RBMS3: variants seen among roughly 807,000 people sequenced by gnomAD.
RBMS3 encodes RNA binding motif single stranded interacting protein 3.
In RBMS3, 27 loss-of-function variants were observed where a neutral mutation model predicts 66.8. The observed-to-expected ratio is 0.40, with a 90% confidence interval of 0.30 to 0.56. The LOEUF (loss-of-function observed/expected upper bound fraction) is 0.56. Ranked by LOEUF, RBMS3 falls within the 20% of genes least tolerant of loss-of-function variation. RBMS3 has a pLI of 0.40. For missense variants in RBMS3, 513 were observed against 549.5 expected, an observed-to-expected ratio of 0.93 and a Z score of 0.66; for synonymous variants, 188 against 183.0, an observed-to-expected ratio of 1.03 and a Z score of -0.22.
intron 12 of RBMS3, among the ~76,000 whole-genome samples, chr3:29,970,317 A>G (rs1240435172): frequency 1.3e-5 from 2 of 152,230 alleles, no homozygotes; most frequent in Admixed American, 6.5e-5. Context: ...GAAAATTAGG[A>G]GATAAAAATG....
At chr3:29,899,025 T>TA (rs951860424) in intron 9 of RBMS3, among the ~76,000 whole-genome samples, 6 of 151,556 alleles carry the variant, frequency 4.0e-5, no homozygotes, top group African/African-American at 7.2e-5. Flanking sequence ...TGTGAGTATA[T>TA]AAAAAAAATC....
intron 3 of RBMS3, among the ~76,000 whole-genome samples, chr3:29,574,552 C>T (rs2047051399): frequency 6.6e-6 from 1 of 152,014 alleles, no homozygotes; most frequent in Non-Finnish European, 1.5e-5. Flanking sequence ...AGTCCATTTA[C>T]AATCAATGTT....
chr3:29,456,797 T>C (rs149624025), intron 2 of RBMS3, among the ~76,000 whole-genome samples: 4 of 152,234 alleles, frequency 2.6e-5, no homozygotes, highest in African/African-American at 9.6e-5. Flanking sequence ...GAGGGTGATA[T>C]AAGAAATACA....
chr3:29,766,355 A>G (rs2055928104), intron 6 of RBMS3: 1 of 151,988 alleles, frequency 6.6e-6, no homozygotes, highest in Non-Finnish European at 1.5e-5. Context: ...TTCAACCTAA[A>G]ATGTTGACAT....
intron 6 of RBMS3, among the ~76,000 whole-genome samples, chr3:29,867,975 C>A (rs1010581470): frequency 1.3e-5 from 2 of 151,998 alleles, no homozygotes; most frequent in African/African-American, 4.8e-5. Flanking sequence ...GCCACTTTGG[C>A]TTTCATTTTA....
At chr3:29,741,475 CT>C (rs1370531681) in intron 5 of RBMS3, among the ~76,000 whole-genome samples, 1 of 152,212 alleles carries the variant, frequency 6.6e-6, no homozygotes. Flanking sequence ...TCATGTTTTA[CT>C]TTACATACCA....
chr3:29,833,649 A>C (rs930104991), intron 6 of RBMS3, among the ~76,000 whole-genome samples: 2 of 152,156 alleles, frequency 1.3e-5, no homozygotes, highest in African/African-American at 4.8e-5. Flanking sequence ...AAAAGAAAAA[A>C]ACAGTGAAAA....
At chr3:29,420,822 C>T (rs529266382) in intron 1 of RBMS3, among the ~76,000 whole-genome samples, 7 of 151,870 alleles carry the variant, frequency 4.6e-5, no homozygotes, top group South Asian at 2.1e-4. Flanking sequence ...AGGCTATTAT[C>T]GGCCAGGCAC....
At chr3:29,642,989 G>T (rs2049783299) in intron 4 of RBMS3, among the ~76,000 whole-genome samples, 2 of 152,092 alleles carry the variant, frequency 1.3e-5, no homozygotes, top group African/African-American at 4.8e-5. Flanking sequence ...AGCCTGTCTG[G>T]CCAGGCTTTG....
At chr3:29,443,690 G>A (rs1004354221) in intron 2 of RBMS3, among the ~76,000 whole-genome samples, 1 of 152,124 alleles carries the variant, frequency 6.6e-6, no homozygotes, top group Non-Finnish European at 1.5e-5. Context: ...TACAAGAGAA[G>A]AAGCAAGAAG....
At chr3:29,721,447 T>G (rs538140137) in intron 4 of RBMS3, among the ~76,000 whole-genome samples, 13 of 152,176 alleles carry the variant, frequency 8.5e-5, no homozygotes, top group Admixed American at 3.3e-4. Context: ...GCATGACAGA[T>G]TCTTTCACAG....
chr3:29,491,299 G>T (rs1159108833), intron 3 of RBMS3, among the ~76,000 whole-genome samples: 1 of 152,142 alleles, frequency 6.6e-6, no homozygotes, highest in Non-Finnish European at 1.5e-5. Flanking sequence ...TTTCTGTAGA[G>T]AGATTCCTAA....
At chr3:29,287,256 A>G (rs2032427469) in intron 1 of RBMS3, among the ~76,000 whole-genome samples, 1 of 152,138 alleles carries the variant, frequency 6.6e-6, no homozygotes, top group South Asian at 2.1e-4. Context: ...ATTAGAAAAC[A>G]CATAGGTGCT....
chr3:29,533,475 C>A (rs2045440419), intron 3 of RBMS3, among the ~76,000 whole-genome samples: 1 of 152,024 alleles, frequency 6.6e-6, no homozygotes, highest in Non-Finnish European at 1.5e-5. Context: ...CAGTGAGGCC[C>A]TATCTCAAAA....
At chr3:29,605,793 G>A (rs2048302671) in intron 4 of RBMS3, among the ~76,000 whole-genome samples, 1 of 151,724 alleles carries the variant, frequency 6.6e-6, no homozygotes, top group South Asian at 2.1e-4. Flanking sequence ...TGTCAAGAAT[G>A]CTAGTACTGA....
intron 1 of RBMS3, among the ~76,000 whole-genome samples, chr3:29,371,123 C>T (rs2038176372): frequency 6.6e-6 from 1 of 152,184 alleles, no homozygotes; most frequent in Admixed American, 6.6e-5. Context: ...TGTGAAAATG[C>T]AGTGGTTTTG....
At chr3:29,555,898 A>G (rs539895536) in intron 3 of RBMS3, among the ~76,000 whole-genome samples, 1 of 152,352 alleles carries the variant, frequency 6.6e-6, no homozygotes, top group East Asian at 1.9e-4. Flanking sequence ...CTTTTTCAGA[A>G]CTAATGTAGT....
rs188282734 is a variant in RBMS3, at chr3:29,378,965, T to G, written c.76-55778T>G. On this transcript the variant is annotated intron_variant, in intron 1 of 14. Transcript: ENST00000383767. ...ATTTCTATAACCTTTGAAACAAGTC[T>G]GCTGACTTAACTTTCTCAGCCTCCA... 1.2e-4 allele frequency among the ~76,000 whole-genome samples: 18 copies of G among 152,364 alleles called. 1 individual carries two copies. The East Asian group carries it at 3.5e-3, about 29-fold the overall frequency.
chr3:29,820,474 C>A (rs2058051305), intron 6 of RBMS3, among the ~76,000 whole-genome samples: 1 of 152,010 alleles, frequency 6.6e-6, no homozygotes, highest in Non-Finnish European at 1.5e-5. Flanking sequence ...GTACTTCAAT[C>A]AAATGCCATT....
Sources: gnomAD v4.1 joint callset for allele counts (sites outside exome capture counted in the v4.1 genomes callset) on GRCh38, gnomAD v4.1.1 for gene constraint, MANE v1.5 for transcripts, NCBI Gene and HGNC (gene_info 2026-07-23, HGNC 2026-07-21) for gene names.